The following NCAM2 variants were observed in gnomAD, a reference collection of about 807,000 sequenced individuals.
NCAM2 encodes neural cell adhesion molecule 2.
A neutral mutation model predicts 98.1 loss-of-function variants in NCAM2; 30 were observed. The ratio of observed to expected loss-of-function variants is 0.31; its 90% confidence interval spans 0.23 to 0.41. The LOEUF is 0.41. Ranked by LOEUF, NCAM2 falls within the 10% of genes least tolerant of loss-of-function variation. NCAM2 has a pLI of 1.00. For missense variants in NCAM2, 867 were observed against 1,005.8 expected (o/e 0.86, Z 1.87); for synonymous variants, 368 against 342.4 (o/e 1.07, Z -0.83).
chr21:21,083,341 A>T (rs1198506083), intron 1 of NCAM2, among the ~76,000 whole-genome samples: 1 of 152,090 alleles, frequency 6.6e-6, no homozygotes, highest in Non-Finnish European at 1.5e-5. Context: ...AGAAAACTGA[A>T]GTTCAAATTG....
At chr21:21,265,465 G>A (rs368002295) in intron 1 of NCAM2, among the ~76,000 whole-genome samples, 5 of 137,856 alleles carry the variant, frequency 3.6e-5, no homozygotes, top group Admixed American at 2.2e-4. Flanking sequence ...TATAATATAT[G>A]TGTGTATATA....
chr21:21,280,594 A>G lies in NCAM2; in HGVS notation c.72A>G (p.Thr24=). The G allele has an allele frequency of 1.9e-6, 3 of 1,597,602 alleles. No individual in the cohort carries two copies. The highest frequency in any genetic ancestry group is 2.6e-6 in the Non-Finnish European group (3 of 1,173,522). ...VSSGQALLQV[T]ISLSKVELSV... ...TTTTTTCAGCTCTTCTTCAAGTGAC[A>G]ATTTCACTTAGCAAAGTAGAGCTTA... Residue 24 remains threonine, a synonymous_variant, in exon 2 of 18, where the codon ACA becomes ACG. Transcript: ENST00000400546.
intron 8 of NCAM2, among the ~76,000 whole-genome samples, chr21:21,357,675 A>G (rs751416845): frequency 6.6e-6 from 1 of 152,118 alleles, no homozygotes; most frequent in Non-Finnish European, 1.5e-5. Context: ...ATTTTTTACA[A>G]CTTTATTTTT....
At chr21:21,466,524 T>C in intron 12 of NCAM2, 82 bp from the exon 13 acceptor site, 1 of 1,052,040 alleles carries the variant, frequency 9.5e-7, no homozygotes, top group Non-Finnish European at 1.3e-6. Flanking sequence ...ATAGTTTGAT[T>C]TGTTTTCCTT....
At chr21:21,025,782 A>C (rs1038826447) in intron 1 of NCAM2, among the ~76,000 whole-genome samples, 8 of 152,202 alleles carry the variant, frequency 5.3e-5, no homozygotes, top group African/African-American at 9.6e-5. Context: ...TGAACTGGCT[A>C]TACATACTGG....
intron 5 of NCAM2, among the ~76,000 whole-genome samples, chr21:21,319,826 A>G (rs1045716636): frequency 6.6e-6 from 1 of 152,202 alleles, no homozygotes; most frequent in Admixed American, 6.5e-5. Context: ...TAATTATGAA[A>G]ATGCAACAAA....
intron 1 of NCAM2, among the ~76,000 whole-genome samples, chr21:21,238,597 T>C (rs1453867487): frequency 7.2e-6 from 1 of 138,854 alleles, no homozygotes; most frequent in Non-Finnish European, 1.5e-5. Context: ...TTTTTATTTT[T>C]AATTAAAGAG....
At chr21:21,400,416 T>C (rs1346981203) in intron 9 of NCAM2, among the ~76,000 whole-genome samples, 2 of 152,158 alleles carry the variant, frequency 1.3e-5, no homozygotes, top group African/African-American at 4.8e-5. Context: ...TTGTTTGCAG[T>C]ATTCCTTTTC....
At chr21:21,461,139 G>A (rs763899361) in intron 12 of NCAM2, among the ~76,000 whole-genome samples, 35 of 151,742 alleles carry the variant, frequency 2.3e-4, no homozygotes, top group East Asian at 3.9e-4. Context: ...GATATTTTAC[G>A]TACTCAGTGG....
chr21:21,247,561 G>A (rs2071325040), intron 1 of NCAM2, among the ~76,000 whole-genome samples: 1 of 152,072 alleles, frequency 6.6e-6, no homozygotes, highest in African/African-American at 2.4e-5. Context: ...TATAATTTAT[G>A]CTGAATTATT....
intron 1 of NCAM2, among the ~76,000 whole-genome samples, chr21:21,170,780 A>G (rs7282706): frequency 0.035 from 5,253 of 152,220 alleles, 128 homozygotes; most frequent in African/African-American, 0.056. Flanking sequence ...TGATGTATCA[A>G]TGTAGGTTCA....
At chr21:21,055,577 T>C (rs1262326672) in intron 1 of NCAM2, among the ~76,000 whole-genome samples, 1 of 152,092 alleles carries the variant, frequency 6.6e-6, no homozygotes, top group African/African-American at 2.4e-5. Flanking sequence ...GTTTGAATTA[T>C]AATGAACTCT....
intron 15 of NCAM2, among the ~76,000 whole-genome samples, chr21:21,483,746 T>G (rs1602473734): frequency 6.6e-6 from 1 of 152,224 alleles, no homozygotes; most frequent in East Asian, 1.9e-4. Context: ...GCATTTAGTT[T>G]AGCATGTAGT....
intron 9 of NCAM2, among the ~76,000 whole-genome samples, chr21:21,398,782 T>C (rs1280574228): frequency 6.6e-6 from 1 of 152,212 alleles, no homozygotes; most frequent in East Asian, 1.9e-4. Flanking sequence ...ATGATATTTC[T>C]ATATATTGTG....
intron 1 of NCAM2, among the ~76,000 whole-genome samples, chr21:21,156,002 A>G (rs961309341): frequency 1.3e-5 from 2 of 151,880 alleles, no homozygotes; most frequent in Non-Finnish European, 2.9e-5. Context: ...GGTTCTTCTT[A>G]CTTCAGTTAA....
At chr21:21,442,862 G>A (rs898586603) in intron 12 of NCAM2, among the ~76,000 whole-genome samples, 5 of 152,104 alleles carry the variant, frequency 3.3e-5, no homozygotes, top group African/African-American at 1.2e-4. Flanking sequence ...ATGAGTCTAT[G>A]TTACTTGAAA....
At chr21:21,340,687 A>T (rs1197210081) in intron 8 of NCAM2, among the ~76,000 whole-genome samples, 1 of 151,960 alleles carries the variant, frequency 6.6e-6, no homozygotes, top group East Asian at 1.9e-4. Context: ...TCTATACTCC[A>T]GTACACTTCT....
At chr21:21,472,848 G>T (rs771598114) in intron 14 of NCAM2, among the ~76,000 whole-genome samples, 1 of 151,680 alleles carries the variant, frequency 6.6e-6, no homozygotes, top group South Asian at 2.1e-4. Flanking sequence ...CCAAGCATCA[G>T]CACATGGAAC....
intron 1 of NCAM2, among the ~76,000 whole-genome samples, chr21:21,199,206 T>C (rs1383902629): frequency 6.6e-6 from 1 of 152,160 alleles, no homozygotes; most frequent in African/African-American, 2.4e-5. Context: ...TCAGGTTTTA[T>C]TAATGTCTTT....
Sources: gnomAD v4.1 joint callset for allele counts (sites outside exome capture counted in the v4.1 genomes callset) on GRCh38, gnomAD v4.1.1 for gene constraint, MANE v1.5 for transcripts, NCBI Gene and HGNC (gene_info 2026-07-23, HGNC 2026-07-21) for gene names.